The following NTSR1 variants were observed in gnomAD, a reference collection of about 807,000 sequenced individuals.
The protein encoded by NTSR1 is neurotensin receptor type 1.
A neutral mutation model predicts 31.2 loss-of-function variants in NTSR1; 29 were observed. The ratio of observed to expected loss-of-function variants is 0.93; its 90% confidence interval spans 0.69 to 1.27. NTSR1 has a LOEUF of 1.27. Among genes scored for constraint, NTSR1 ranks in the 50% most tolerant of loss-of-function variants. The probability of loss-of-function intolerance (pLI) is 0.00; values close to 1 mark genes in which losing one functional copy is unlikely to be tolerated. For synonymous variants in NTSR1, 282 were observed against 269.9 expected, an observed-to-expected ratio of 1.04 and a Z score of -0.44; for missense variants, 697 against 595.4, an observed-to-expected ratio of 1.17 and a Z score of -1.78.
chr20:62,755,899 C>T, intron 2 of NTSR1, among the ~76,000 whole-genome samples: 1 of 112,640 alleles, frequency 8.9e-6, no homozygotes, highest in African/African-American at 3.4e-5. Context: ...ATCCCTCATT[C>T]CATCCATCCA....
chr20:62,722,206 G>C (rs556052562), intron 1 of NTSR1, among the ~76,000 whole-genome samples: 10 of 152,280 alleles, frequency 6.6e-5, no homozygotes, highest in African/African-American at 2.4e-4. Context: ...TTCATGCTTA[G>C]TTGAGTAAAC....
At position 62,758,170 on chromosome 20, in the gene NTSR1, C is replaced by T. The variant is rs867247919; in HGVS notation, c.917-96C>T. On this transcript the variant is annotated intron_variant, in intron 2 of 3. Transcript: ENST00000370501. The surrounding 1 kb of genome is among the most constrained non-coding windows in gnomAD (Gnocchi z 4.5). ...GCCTCAGGTGCAGTGGGTCTCTGAG[C>T]CCACATCTGTGTGCCTCAGGTGCAG... 3.5e-6 allele frequency: 5 copies of T among 1,409,082 alleles called. No individual in the cohort carries two copies. The highest frequency in any genetic ancestry group is 2.5e-4 in the Middle Eastern group (1 of 4,068). The allele number at this position is 1,409,082 out of a possible 1,614,324, so 87.3% of individuals were successfully genotyped here.
intron 1 of NTSR1, among the ~76,000 whole-genome samples, chr20:62,730,157 G>A (rs905510159): frequency 6.6e-6 from 1 of 152,182 alleles, no homozygotes; most frequent in Non-Finnish European, 1.5e-5. Context: ...TGTACCTTCT[G>A]TGGGTTTGGA....
chr20:62,757,739 T>G (rs1989535026), intron 2 of NTSR1, among the ~76,000 whole-genome samples: 1 of 152,182 alleles, frequency 6.6e-6, no homozygotes, highest in Non-Finnish European at 1.5e-5. Flanking sequence ...CATATCTCTG[T>G]GTCTCTAAGC....
chr20:62,725,757 C>T (rs922391196), intron 1 of NTSR1, among the ~76,000 whole-genome samples: 1 of 152,058 alleles, frequency 6.6e-6, no homozygotes, highest in African/African-American at 2.4e-5. Flanking sequence ...CCTTGAATCC[C>T]AGCAAACCAA....
At chr20:62,757,001 T>C (rs1379069724) in intron 2 of NTSR1, among the ~76,000 whole-genome samples, 1 of 152,228 alleles carries the variant, frequency 6.6e-6, no homozygotes, top group African/African-American at 2.4e-5. Context: ...CAGATGTGAT[T>C]TGCAAATATT....
rs980578031 is a variant in NTSR1 at position 62,709,040 on chromosome 20, G to A, written c.-168G>A. ...GAGCCCGGAGCCCGGAGCCCGGGGC[G>A]GCGCGTCTGGGTCTGGCGCTTCCCG... is the stretch of plus-strand genomic sequence containing the variant. On this transcript the variant is annotated 5_prime_UTR_variant, in exon 1 of 4. Transcript: ENST00000370501. 6.2e-6 allele frequency: 3 copies of A among 485,266 alleles called. No homozygotes were observed. Among genetic ancestry groups the A allele is most frequent in the Non-Finnish European group, 1.0e-5 (3 of 288,128 alleles). 30.1% of individuals were successfully genotyped at this position (485,266 alleles called of 1,614,324 possible). A position where few individuals can be genotyped will look rare whatever the true frequency, so the allele number is the denominator to read the frequency against.
At chr20:62,739,739 G>A (rs1310754199) in intron 1 of NTSR1, among the ~76,000 whole-genome samples, 2 of 152,268 alleles carry the variant, frequency 1.3e-5, no homozygotes, top group East Asian at 1.9e-4. Flanking sequence ...GCCACTAGGC[G>A]CTGGGAGGGG....
chr20:62,751,327 T>A (rs543176298), intron 1 of NTSR1, among the ~76,000 whole-genome samples: 1 of 152,336 alleles, frequency 6.6e-6, no homozygotes, highest in South Asian at 2.1e-4. Flanking sequence ...CCATGTGGAA[T>A]TTTTTTGGGG....
At position 62,733,154 on chromosome 20, in the gene NTSR1, AGT is replaced by A. The variant is rs1406610508; in HGVS notation, c.715-21526_715-21525del. On this transcript the variant is annotated intron_variant, in intron 1 of 3. Coordinates refer to ENST00000370501, the MANE Select transcript of NTSR1 (RefSeq NM_002531.3). The surrounding 1 kb of genome is among the most constrained non-coding windows in gnomAD (Gnocchi z 5.2). ...TCTGAGTGAAGTAAATGTCATCGGCAGTGTGTAGACGTTCTTTCGGAAGAAGA... is the reference window on the plus strand; with the variant it reads ...TCTGAGTGAAGTAAATGTCATCGGCAGTGTAGACGTTCTTTCGGAAGAAGA... The A allele has an allele frequency of 7.3e-6, 1 of 137,700 alleles. No individual in the cohort carries two copies. The highest frequency in any genetic ancestry group is 2.1e-4 in the East Asian group (1 of 4,824). The allele number at this position is 137,700 out of a possible 1,614,324, so 8.5% of individuals were successfully genotyped here. A position where few individuals can be genotyped will look rare whatever the true frequency, so the allele number is the denominator to read the frequency against.
intron 2 of NTSR1, among the ~76,000 whole-genome samples, chr20:62,755,913 C>T (rs1384068722): frequency 7.5e-6 from 1 of 132,860 alleles, no homozygotes; most frequent in Non-Finnish European, 1.6e-5. Flanking sequence ...CCATCCATCC[C>T]TCCTTCCATC....
chr20:62,725,404 G>A (rs1006669202), intron 1 of NTSR1, among the ~76,000 whole-genome samples: 1 of 152,254 alleles, frequency 6.6e-6, no homozygotes, highest in African/African-American at 2.4e-5. Context: ...GCGGGAGGCG[G>A]GAGGCGAGTG....
At chr20:62,712,548 T>C (rs1988636344) in intron 1 of NTSR1, among the ~76,000 whole-genome samples, 1 of 152,236 alleles carries the variant, frequency 6.6e-6, no homozygotes, top group Admixed American at 6.5e-5. Flanking sequence ...AGTGTGTAGC[T>C]GGGACTGGGA....
chr20:62,737,675 GC>G (rs1365416777), intron 1 of NTSR1, among the ~76,000 whole-genome samples: 1 of 151,952 alleles, frequency 6.6e-6, no homozygotes, highest in African/African-American at 2.4e-5. Context: ...CCCCACATCT[GC>G]CCATCGCCAG....
chr20:62,710,478 G>A (rs1988585865), intron 1 of NTSR1, among the ~76,000 whole-genome samples: 1 of 152,210 alleles, frequency 6.6e-6, no homozygotes, highest in African/African-American at 2.4e-5. Flanking sequence ...TTGGAGAGAG[G>A]ACGCGTGGGA....
rs777859707 is a variant in NTSR1, at chr20:62,754,849, C to T, written c.879C>T (p.Gly293=). The T allele has an allele frequency of 2.8e-5, 45 of 1,606,626 alleles. No individual in the cohort carries two copies. Among genetic ancestry groups the T allele is most frequent in the Non-Finnish European group, 3.7e-5 (44 of 1,179,446 alleles). ...HSTFSMAIEP[G]RVQALRHGVR... is the part of the protein sequence containing the mutation. Reference sequence around the variant, plus strand: ...CATTCAGCATGGCCATCGAGCCTGGCAGGGTCCAGGCCCTGCGGCACGGCG... The same window carrying T: ...CATTCAGCATGGCCATCGAGCCTGGTAGGGTCCAGGCCCTGCGGCACGGCG... Residue 293 remains glycine, a synonymous_variant, in exon 2 of 4, where the codon GGC becomes GGT. Transcript: ENST00000370501.
chr20:62,725,769 AGGAGGGAGGAGGAC>A (rs1291797592), intron 1 of NTSR1, among the ~76,000 whole-genome samples: 1 of 151,924 alleles, frequency 6.6e-6, no homozygotes, highest in African/African-American at 2.4e-5. Flanking sequence ...GCAAACCAAG[AGGAGGGAGGAGGAC>A]GGAGGGAGAG....
rs1989260005 is a variant in NTSR1 at position 62,744,385 on chromosome 20, T to C, written c.715-10300T>C. 6.6e-6 allele frequency among the ~76,000 whole-genome samples: 1 copy of C among 152,028 alleles called. No homozygotes were observed. The highest frequency in any genetic ancestry group is 2.4e-5 in the African/African-American group (1 of 41,386). Reference sequence around the variant, plus strand: ...CTGGCTAACATGGTGAAACCCTGTCTCTACTAAAAATACAAAAAAATTAGC... The same window carrying C: ...CTGGCTAACATGGTGAAACCCTGTCCCTACTAAAAATACAAAAAAATTAGC... On this transcript the variant is annotated intron_variant, in intron 1 of 3. Transcript: ENST00000370501. This position sits in a 1 kb window ranked among gnomAD's most constrained non-coding sequence, Gnocchi z 4.1.
chr20:62,753,313 G>T (rs780247263), intron 1 of NTSR1, among the ~76,000 whole-genome samples: 1 of 152,190 alleles, frequency 6.6e-6, no homozygotes, highest in African/African-American at 2.4e-5. Context: ...CATGGCCACC[G>T]CCGCCTTCAT....
Sources: allele counts gnomAD v4.1 joint callset (sites outside exome capture counted in the v4.1 genomes callset), GRCh38; gene constraint gnomAD v4.1.1; non-coding constraint Gnocchi (gnomAD v3.1); transcripts MANE v1.5; gene names NCBI Gene and HGNC (gene_info 2026-07-23, HGNC 2026-07-21).